The following NRG1 variants were observed in gnomAD, a reference collection of about 807,000 sequenced individuals.
NRG1 encodes the protein neuregulin 1, also known as pro-neuregulin-1, membrane-bound isoform.
NRG1 carries 18 observed loss-of-function variants against 63.8 expected under a neutral mutation model. The ratio of observed to expected loss-of-function variants is 0.28; its 90% CI spans 0.19 to 0.42. The LOEUF (loss-of-function observed/expected upper bound fraction) is 0.42, where lower values mean the gene tolerates loss of function less well. NRG1 is among the 10% of genes least tolerant of loss of function. NRG1 has a pLI of 1.00. For synonymous variants in NRG1, 302 were observed against 301.3 expected, an observed-to-expected ratio of 1.00 and a Z score of -0.02; for missense variants, 762 against 814.7, an observed-to-expected ratio of 0.94 and a Z score of 0.79.
chr8:31,935,178 A>G (rs545759431), intron 1 of NRG1, among the ~76,000 whole-genome samples: 9 of 151,264 alleles, frequency 5.9e-5, no homozygotes, highest in Admixed American at 2.0e-4. Context: ...GTCTTCAGGT[A>G]CAATCTCAGC....
chr8:32,518,061 C>T lies in NRG1; in HGVS notation c.38-77767C>T, dbSNP rs545236911. ...TAAGGAAAAGATAAAAAAAATAGAACCACCACCAAATATAAATATTTATTT... is the reference window on the plus strand; with the variant it reads ...TAAGGAAAAGATAAAAAAAATAGAATCACCACCAAATATAAATATTTATTT... On this transcript the variant is annotated intron_variant, in intron 1 of 10. Coordinates refer to the NRG1 transcript ENST00000519301. Among the ~76,000 whole-genome samples, 25 of 152,210 alleles carry T rather than the reference C, an allele frequency of 1.6e-4. No homozygotes were observed. In the South Asian group the frequency reaches 4.6e-3, roughly 28 times the overall value.
intron 6 of NRG1, among the ~76,000 whole-genome samples, chr8:32,730,522 T>A (rs182422702): frequency 6.6e-6 from 1 of 152,208 alleles, no homozygotes. Flanking sequence ...TAGATCTGAA[T>A]TATCTCATAC....
intron 1 of NRG1, among the ~76,000 whole-genome samples, chr8:32,213,321 A>T (rs1844877284): frequency 6.6e-6 from 1 of 152,198 alleles, no homozygotes; most frequent in Non-Finnish European, 1.5e-5. Flanking sequence ...AGGGACATGG[A>T]TGGAGCTAGA....
chr8:32,495,700 G>A (rs1010412797), intron 1 of NRG1, among the ~76,000 whole-genome samples: 6 of 152,142 alleles, frequency 3.9e-5, no homozygotes, highest in African/African-American at 1.2e-4. Context: ...GACTTCAGGT[G>A]ATCCACCCGC....
chr8:31,687,120 T>G (rs1563292591), intron 1 of NRG1, among the ~76,000 whole-genome samples: 1 of 152,156 alleles, frequency 6.6e-6, no homozygotes, highest in Non-Finnish European at 1.5e-5. Flanking sequence ...TGGTACCTTG[T>G]TGTTAGAAGA....
chr8:32,412,871 GTATA>G (rs1323378942), intron 1 of NRG1, among the ~76,000 whole-genome samples: 1 of 152,122 alleles, frequency 6.6e-6, no homozygotes, highest in East Asian at 1.9e-4. Flanking sequence ...GCATATGACT[GTATA>G]TATACATTTA....
intron 1 of NRG1, among the ~76,000 whole-genome samples, chr8:32,240,815 G>C (rs1394303716): frequency 2.0e-5 from 3 of 151,960 alleles, no homozygotes; most frequent in Non-Finnish European, 4.4e-5. Context: ...AAGAATTTTA[G>C]AGACTCTTTC....
chr8:32,593,486 T>A (rs1263541173), intron 1 of NRG1, among the ~76,000 whole-genome samples: 1 of 147,466 alleles, frequency 6.8e-6, no homozygotes, highest in East Asian at 2.3e-4. Context: ...AAACTCTGTC[T>A]CTATGAAAAA....
At chr8:32,504,046 A>G (rs959355286) in intron 1 of NRG1, among the ~76,000 whole-genome samples, 3 of 152,088 alleles carry the variant, frequency 2.0e-5, no homozygotes, top group African/African-American at 7.2e-5. Flanking sequence ...TTTTTCCCTT[A>G]GCAAATCCAG....
Position 31,640,781 on chromosome 8 carries a change from C to T in NRG1, c.37+1350C>T, listed in dbSNP as rs1803687689. The T allele has an allele frequency of 6.9e-7, 1 of 1,442,788 alleles. No individual in the cohort carries two copies. Among genetic ancestry groups the T allele is most frequent in the Non-Finnish European group, 9.1e-7 (1 of 1,097,512 alleles). The allele number at this position is 1,442,788 out of a possible 1,614,324, so 89.4% of individuals were successfully genotyped here. A position where few individuals can be genotyped will look rare whatever the true frequency, so the allele number is the denominator to read the frequency against. On this transcript the variant is annotated intron_variant, in intron 1 of 10. Coordinates refer to the NRG1 transcript ENST00000519301. This position sits in a 1 kb window ranked among gnomAD's most constrained non-coding sequence, Gnocchi z 6.3. The stretch of plus-strand genomic sequence containing the variant: ...AACCCGCGGCGAGGAGGGCGCATCC[C>T]GGGCGCGCGGGCAGCGGGGCTCGAC...
chr8:32,236,127 GTA>G (rs1400975645), intron 1 of NRG1, among the ~76,000 whole-genome samples: 3 of 151,590 alleles, frequency 2.0e-5, no homozygotes, highest in African/African-American at 7.3e-5. Flanking sequence ...TTTTGTGTGT[GTA>G]TGTGTGTGTG....
intron 1 of NRG1, among the ~76,000 whole-genome samples, chr8:32,343,910 C>G (rs1248709719): frequency 6.6e-6 from 1 of 152,202 alleles, no homozygotes; most frequent in Non-Finnish European, 1.5e-5. Flanking sequence ...CAGTCCTAGT[C>G]CTACCGAGTC....
At chr8:32,501,850 G>A (rs990134525) in intron 1 of NRG1, among the ~76,000 whole-genome samples, 2 of 152,104 alleles carry the variant, frequency 1.3e-5, no homozygotes, top group South Asian at 2.1e-4. Flanking sequence ...TAGACTACTC[G>A]GTATAGTGGC....
At chr8:31,662,468 CTT>C (rs1806089804) in intron 1 of NRG1, among the ~76,000 whole-genome samples, 1 of 152,176 alleles carries the variant, frequency 6.6e-6, no homozygotes, top group Non-Finnish European at 1.5e-5. Flanking sequence ...ATGTTGAAGT[CTT>C]TGCATTTTCA....
intron 1 of NRG1, among the ~76,000 whole-genome samples, chr8:31,761,174 T>A (rs1817509720): frequency 1.3e-5 from 2 of 151,948 alleles, no homozygotes; most frequent in Admixed American, 1.3e-4. Context: ...AAATTGGAAA[T>A]CATTATTCTC....
At chr8:32,621,779 T>C (rs1563787320) in intron 5 of NRG1, among the ~76,000 whole-genome samples, 1 of 152,214 alleles carries the variant, frequency 6.6e-6, no homozygotes, top group Non-Finnish European at 1.5e-5. Context: ...TCATGAAAAC[T>C]TATTACACTG....
chr8:32,458,551 C>T (rs932307967), intron 1 of NRG1, among the ~76,000 whole-genome samples: 1 of 152,166 alleles, frequency 6.6e-6, no homozygotes, highest in Non-Finnish European at 1.5e-5. Flanking sequence ...TATATTTCTG[C>T]CATTTTTTCT....
intron 1 of NRG1, among the ~76,000 whole-genome samples, chr8:32,238,299 T>C (rs1253314863): frequency 6.6e-6 from 1 of 152,012 alleles, no homozygotes; most frequent in Non-Finnish European, 1.5e-5. Context: ...ACCCTGTCTC[T>C]ACTAAAAATC....
chr8:32,308,239 C>G (rs6468097), intron 1 of NRG1, among the ~76,000 whole-genome samples: 48,264 of 151,490 alleles, frequency 0.32, 8,256 homozygotes, highest in South Asian at 0.44. Flanking sequence ...TTCCAAGACT[C>G]TAACTGATTT....
Sources: gnomAD v4.1 joint callset for allele counts (sites outside exome capture counted in the v4.1 genomes callset) on GRCh38, gnomAD v4.1.1 for gene constraint, Gnocchi (gnomAD v3.1) non-coding constraint, MANE v1.5 for transcripts, NCBI Gene and HGNC (gene_info 2026-07-23, HGNC 2026-07-21) for gene names.